Variants in RGS7 observed in about 807,000 individuals in gnomAD.
The protein encoded by RGS7 is regulator of G-protein signaling 7.
RGS7 carries 27 observed loss-of-function variants against 81.1 expected under a neutral mutation model. That is an observed-to-expected ratio of 0.33 (90% CI 0.25 to 0.46). The LOEUF (loss-of-function observed/expected upper bound fraction) is 0.46, where lower values mean the gene tolerates loss of function less well. RGS7 is among the 20% of genes least tolerant of loss of function. The probability of loss-of-function intolerance (pLI) is 1.00; values close to 1 mark genes in which losing one functional copy is unlikely to be tolerated. For synonymous variants in RGS7, 208 were observed against 207.7 expected (o/e 1.00, Z -0.01); for missense variants, 396 against 607.4 (o/e 0.65, Z 3.66).
intron 6 of RGS7, among the ~76,000 whole-genome samples, chr1:240,871,159 T>C: frequency 6.6e-6 from 1 of 152,222 alleles, no homozygotes; most frequent in East Asian, 1.9e-4. Flanking sequence ...TTTTTGTCAT[T>C]GTTTTTCACT....
At chr1:241,234,199 TTAAC>T (rs1422393957) in intron 2 of RGS7, among the ~76,000 whole-genome samples, 2 of 152,222 alleles carry the variant, frequency 1.3e-5, no homozygotes, top group Non-Finnish European at 2.9e-5. Flanking sequence ...ATACTAAATT[TTAAC>T]TAACTACTTA....
At chr1:240,850,459 T>C (rs1659903943) in intron 9 of RGS7, among the ~76,000 whole-genome samples, 1 of 152,218 alleles carries the variant, frequency 6.6e-6, no homozygotes, top group South Asian at 2.1e-4. Flanking sequence ...ATAAATATTG[T>C]GTGTGATCTG....
chr1:241,325,900 C>T (rs1360040983), intron 2 of RGS7, among the ~76,000 whole-genome samples: 1 of 152,142 alleles, frequency 6.6e-6, no homozygotes, highest in African/African-American at 2.4e-5. Context: ...AACAGGATGA[C>T]TTGGAACAAC....
chr1:241,108,627 T>C (rs547405870), intron 2 of RGS7, among the ~76,000 whole-genome samples: 1 of 152,154 alleles, frequency 6.6e-6, no homozygotes, highest in Non-Finnish European at 1.5e-5. Flanking sequence ...GCAGTCAAAG[T>C]TCAAATAGGA....
chr1:241,246,204 T>A (rs1451810574), intron 2 of RGS7, among the ~76,000 whole-genome samples: 1 of 152,026 alleles, frequency 6.6e-6, no homozygotes, highest in Non-Finnish European at 1.5e-5. Flanking sequence ...GAAATTGACA[T>A]TCCCCCCAAA....
chr1:241,123,556 G>T (rs1373375415), intron 2 of RGS7, among the ~76,000 whole-genome samples: 1 of 152,166 alleles, frequency 6.6e-6, no homozygotes, highest in Non-Finnish European at 1.5e-5. Flanking sequence ...TTTGAGACCA[G>T]CCTGACCAAC....
intron 3 of RGS7, among the ~76,000 whole-genome samples, chr1:241,089,063 C>CTCTCTCTCTCTCTCTCTCTCTA (rs1374552672): frequency 1.3e-4 from 3 of 23,684 alleles, no homozygotes; most frequent in African/African-American, 2.3e-4. Context: ...CTCTCTCTCT[C>CTCTCTCTCTCTCTCTCTCTCTA]TATATATATA....
At chr1:240,853,367 T>C (rs1332249647) in intron 9 of RGS7, among the ~76,000 whole-genome samples, 2 of 152,206 alleles carry the variant, frequency 1.3e-5, no homozygotes, top group Non-Finnish European at 2.9e-5. Flanking sequence ...AATTATATTA[T>C]TTACATTATG....
At chr1:241,154,202 A>C (rs2068953043) in intron 2 of RGS7, among the ~76,000 whole-genome samples, 1 of 152,174 alleles carries the variant, frequency 6.6e-6, no homozygotes, top group South Asian at 2.1e-4. Flanking sequence ...GGGTAAGGAG[A>C]CAGGATAGTG....
At chr1:241,311,742 G>A (rs1405582890) in intron 2 of RGS7, among the ~76,000 whole-genome samples, 1 of 152,208 alleles carries the variant, frequency 6.6e-6, no homozygotes, top group Non-Finnish European at 1.5e-5. Context: ...TGCTCCCTAA[G>A]ATATCAATTG....
intron 9 of RGS7, among the ~76,000 whole-genome samples, chr1:240,832,864 AG>A (rs1694077813): frequency 6.6e-6 from 1 of 152,158 alleles, no homozygotes; most frequent in Admixed American, 6.5e-5. Flanking sequence ...GGGAAAATTC[AG>A]GTTTCAAATA....
chr1:240,792,259 C>A (rs1463660574), intron 18 of RGS7, among the ~76,000 whole-genome samples: 2 of 152,162 alleles, frequency 1.3e-5, no homozygotes, highest in Non-Finnish European at 2.9e-5. Context: ...TTTATTGGTG[C>A]TACAAGTCTT....
At position 240,936,998 on chromosome 1, in the gene RGS7, C is replaced by T. The variant is rs998357722; in HGVS notation, c.227-292G>A. On this transcript the variant is annotated intron_variant, in intron 4 of 18. Coordinates refer to ENST00000440928, the MANE Select transcript of RGS7 (RefSeq NM_001364886.1). ...TGGCTACCCATTCTGTAAACTGCCC[C>T]TCCCACTGAAACAGGTCTTCCAGCC... 2.0e-5 allele frequency among the ~76,000 whole-genome samples: 3 copies of T among 152,188 alleles called. No homozygotes were observed. The South Asian group carries it at 6.2e-4, about 31-fold the overall frequency.
chr1:241,122,045 G>A (rs2066306805), intron 2 of RGS7, among the ~76,000 whole-genome samples: 1 of 152,076 alleles, frequency 6.6e-6, no homozygotes, highest in African/African-American at 2.4e-5. Context: ...TCTTTTCCAA[G>A]ACTGCTTTAT....
intron 18 of RGS7, among the ~76,000 whole-genome samples, chr1:240,795,569 T>A (rs1686913672): frequency 6.6e-6 from 1 of 152,246 alleles, no homozygotes; most frequent in Non-Finnish European, 1.5e-5. Flanking sequence ...TTCAATTTTT[T>A]ATGAAAAGAA....
At position 241,016,709 on chromosome 1, in the gene RGS7, T is replaced by G. The variant is rs114486706; in HGVS notation, c.176-33580A>C. ...TGTAATACTTCTGTCATGTAGCATT[T>G]ATCAGAGTCTAAATTTGAAGTGGGT... On this transcript the variant is annotated intron_variant, in intron 3 of 18. Transcript: ENST00000440928. 5.7e-3 allele frequency among the ~76,000 whole-genome samples: 873 copies of G among 152,272 alleles called. 9 individuals are homozygous for G. Among genetic ancestry groups the G allele is most frequent in the African/African-American group, 0.02 (837 of 41,544 alleles).
At chr1:240,808,035 CA>C (rs34236519) in intron 14 of RGS7, among the ~76,000 whole-genome samples, 734 of 66,578 alleles carry the variant, frequency 0.011, 2 homozygotes, top group African/African-American at 0.027. Context: ...AACTTCATCT[CA>C]AAAAAAAAAA....
chr1:241,295,295 A>G (rs1401756820), intron 2 of RGS7, among the ~76,000 whole-genome samples: 2 of 151,426 alleles, frequency 1.3e-5, no homozygotes, highest in African/African-American at 2.4e-5. Flanking sequence ...AAAAAAAAAA[A>G]TACAAAAATT....
chr1:240,898,570 A>T (rs1669469641), intron 6 of RGS7, among the ~76,000 whole-genome samples: 1 of 152,126 alleles, frequency 6.6e-6, no homozygotes, highest in African/African-American at 2.4e-5. Context: ...CAGGTTGTTC[A>T]GTTTCCATGT....
Sources: gnomAD v4.1 joint callset for allele counts (sites outside exome capture counted in the v4.1 genomes callset) on GRCh38, gnomAD v4.1.1 for gene constraint, MANE v1.5 for transcripts, NCBI Gene and HGNC (gene_info 2026-07-23, HGNC 2026-07-21) for gene names.